Variants in NEK11 observed in about 807,000 individuals in gnomAD.
NEK11 encodes NIMA related kinase 11.
Under a neutral mutation model 80.7 loss-of-function variants are expected in NEK11, and 72 were observed. That is an observed-to-expected ratio of 0.89 (90% CI 0.74 to 1.08). NEK11 has a LOEUF of 1.08. NEK11 is among the 50% of genes least tolerant of loss of function. NEK11 has a pLI of 0.00. For synonymous variants in NEK11, 251 were observed against 260.7 expected (o/e 0.96, Z 0.36); for missense variants, 764 against 763.6 (o/e 1.00, Z -0.01).
chr3:131,143,901 T>C (rs1460956698), intron 7 of NEK11, among the ~76,000 whole-genome samples: 1 of 152,170 alleles, frequency 6.6e-6, no homozygotes, highest in Non-Finnish European at 1.5e-5. Context: ...CATTACTGTT[T>C]CCATAGATTG....
intron 14 of NEK11, among the ~76,000 whole-genome samples, chr3:131,201,908 C>T (rs762223670): frequency 5.9e-5 from 9 of 152,140 alleles, no homozygotes; most frequent in East Asian, 1.9e-4. Flanking sequence ...AATCTCTGCT[C>T]GCTGCAATCT....
chr3:131,133,790 T>G (rs1042444782), intron 6 of NEK11, 40 bp from the exon 7 acceptor site: 2 of 1,566,046 alleles, frequency 1.3e-6, no homozygotes, highest in Middle Eastern at 1.7e-4. Context: ...TAATTTTTCG[T>G]TGGCTTAAAG....
At chr3:131,228,898 G>A (rs965922098) in intron 15 of NEK11, among the ~76,000 whole-genome samples, 5 of 152,084 alleles carry the variant, frequency 3.3e-5, no homozygotes, top group Non-Finnish European at 1.5e-5. Flanking sequence ...CCATGTTGAT[G>A]GGGGAAGAAC....
At chr3:131,040,462 A>T (rs2066309700) in intron 3 of NEK11, among the ~76,000 whole-genome samples, 1 of 152,190 alleles carries the variant, frequency 6.6e-6, no homozygotes, top group Non-Finnish European at 1.5e-5. Context: ...CACTTAAAAT[A>T]TGTGCAGTGT....
chr3:131,071,977 C>T (rs1398008956), intron 3 of NEK11, among the ~76,000 whole-genome samples: 1 of 152,154 alleles, frequency 6.6e-6, no homozygotes, highest in Non-Finnish European at 1.5e-5. Context: ...TAACCTTAAG[C>T]ATTTACAAAT....
At chr3:131,314,130 AGTGTGTGTGT>A (rs143988468) in intron 17 of NEK11, among the ~76,000 whole-genome samples, 57 of 149,332 alleles carry the variant, frequency 3.8e-4, no homozygotes, top group African/African-American at 1.4e-3. Context: ...GGAGAAAAAG[AGTGTGTGTGT>A]GTGTGTGTGT....
intron 17 of NEK11, chr3:131,327,880 G>GA (rs2096997659): frequency 2.6e-5 from 4 of 151,990 alleles, no homozygotes; most frequent in Non-Finnish European, 5.9e-5. Flanking sequence ...TTGTAGCACT[G>GA]AAAAAAATCT....
At chr3:131,295,489 T>C (rs2096584209) in intron 17 of NEK11, among the ~76,000 whole-genome samples, 1 of 152,244 alleles carries the variant, frequency 6.6e-6, no homozygotes, top group Non-Finnish European at 1.5e-5. Context: ...ATGCGAATCA[T>C]GAAGGAAAAG....
intron 3 of NEK11, among the ~76,000 whole-genome samples, chr3:131,037,248 A>G (rs1391549456): frequency 1.7e-5 from 2 of 120,498 alleles, no homozygotes; most frequent in African/African-American, 6.2e-5. Context: ...AGTTACAGCT[A>G]CATTTGCACT....
chr3:131,182,434 T>C (rs993321756), intron 14 of NEK11, among the ~76,000 whole-genome samples: 4 of 152,194 alleles, frequency 2.6e-5, no homozygotes, highest in African/African-American at 9.7e-5. Context: ...CGCCAGCATT[T>C]ATAACTCACC....
intron 3 of NEK11, among the ~76,000 whole-genome samples, chr3:131,032,726 A>T (rs977844442): frequency 1.3e-5 from 2 of 152,344 alleles, no homozygotes; most frequent in South Asian, 4.1e-4. Context: ...CTTTAAAATG[A>T]GTATAATACC....
intron 5 of NEK11, among the ~76,000 whole-genome samples, chr3:131,110,539 G>A (rs1164829505): frequency 1.3e-5 from 2 of 151,978 alleles, no homozygotes; most frequent in Non-Finnish European, 2.9e-5. Context: ...AATTTTTATA[G>A]GTCAAAAGTA....
intron 3 of NEK11, among the ~76,000 whole-genome samples, chr3:131,041,141 G>A (rs1036276714): frequency 2.0e-5 from 3 of 152,176 alleles, no homozygotes; most frequent in Non-Finnish European, 4.4e-5. Flanking sequence ...GTGATCAGCT[G>A]CTTTTAATTT....
chr3:131,036,099 G>A (rs2065599906), intron 3 of NEK11, among the ~76,000 whole-genome samples: 1 of 152,156 alleles, frequency 6.6e-6, no homozygotes, highest in African/African-American at 2.4e-5. Flanking sequence ...GTCTTTTAAC[G>A]AAACATGGCA....
chr3:131,186,456 T>G (rs1173161898), intron 14 of NEK11, among the ~76,000 whole-genome samples: 1 of 151,820 alleles, frequency 6.6e-6, no homozygotes, highest in Admixed American at 6.6e-5. Flanking sequence ...GTAGGGAGAG[T>G]GCAGCAAACT....
Position 131,350,000 on chromosome 3 carries a change from T to G in NEK11, c.*224T>G. On this transcript the variant is annotated 3_prime_UTR_variant, in exon 18 of 18. Coordinates refer to ENST00000383366, the MANE Select transcript of NEK11 (RefSeq NM_024800.5). Reference sequence around the variant, plus strand: ...TGGACTATACCCTGAGATAAGCTTATAGATCAAGTTTGGCTCCCTTGAAAA... The same window carrying G: ...TGGACTATACCCTGAGATAAGCTTAGAGATCAAGTTTGGCTCCCTTGAAAA... 1 of 513,092 alleles carries G rather than the reference T, an allele frequency of 1.9e-6. No individual in the cohort carries two copies. Among genetic ancestry groups the G allele is most frequent in the Non-Finnish European group, 3.5e-6 (1 of 288,148 alleles). 31.8% of individuals were successfully genotyped at this position (513,092 alleles called of 1,614,324 possible).
chr3:131,283,516 C>CTGTGTG (rs4044351), intron 17 of NEK11, among the ~76,000 whole-genome samples: 112 of 147,356 alleles, frequency 7.6e-4, no homozygotes, highest in South Asian at 1.8e-3. Flanking sequence ...CAGGCTATTA[C>CTGTGTG]TGTGTGTGTG....
At chr3:131,171,358 C>G (rs2092681888) in intron 14 of NEK11, among the ~76,000 whole-genome samples, 1 of 152,172 alleles carries the variant, frequency 6.6e-6, no homozygotes. Flanking sequence ...TGTAGGATGG[C>G]TGACTTTGCT....
chr3:131,224,307 A>C (rs562239685), intron 14 of NEK11, among the ~76,000 whole-genome samples: 53 of 151,936 alleles, frequency 3.5e-4, no homozygotes, highest in Admixed American at 9.2e-4. Flanking sequence ...GGCTCACTGC[A>C]TCCTCCACCT....
Sources: gnomAD v4.1 joint callset for allele counts (sites outside exome capture counted in the v4.1 genomes callset) on GRCh38, gnomAD v4.1.1 for gene constraint, MANE v1.5 for transcripts, NCBI Gene and HGNC (gene_info 2026-07-23, HGNC 2026-07-21) for gene names.